RBFOX1: variants seen among roughly 807,000 people sequenced by gnomAD.
The protein encoded by RBFOX1 is RNA binding protein fox-1 homolog 1.
A neutral mutation model predicts 57.7 loss-of-function variants in RBFOX1; 8 were observed. The ratio of observed to expected loss-of-function variants is 0.14; its 90% CI spans 0.08 to 0.25. RBFOX1 has a LOEUF of 0.25. RBFOX1 is among the 10% of genes least tolerant of loss of function. The pLI, the probability that RBFOX1 is intolerant of heterozygous loss-of-function variation, is 1.00. For missense variants in RBFOX1, 611 were observed against 548.5 expected (o/e 1.11, Z -1.14); for synonymous variants, 326 against 222.4 (o/e 1.47, Z -4.15).
intron 3 of RBFOX1, among the ~76,000 whole-genome samples, chr16:6,656,300 G>A (rs1179762708): frequency 6.6e-6 from 1 of 152,114 alleles, no homozygotes. Flanking sequence ...GTTTTGTCCG[G>A]TATCTTTTTT....
intron 3 of RBFOX1, among the ~76,000 whole-genome samples, chr16:5,828,003 C>T (rs1445013140): frequency 6.9e-6 from 1 of 144,922 alleles, no homozygotes; most frequent in Non-Finnish European, 1.5e-5. Context: ...CCAATCCATC[C>T]ATCCATCATC....
At chr16:7,341,917 ACACACC>A (rs1393774505) in intron 4 of RBFOX1, among the ~76,000 whole-genome samples, 1 of 151,796 alleles carries the variant, frequency 6.6e-6, no homozygotes, top group Non-Finnish European at 1.5e-5. Context: ...ATAGAGTTCA[ACACACC>A]CACTGCTGTG....
Position 5,523,441 on chromosome 16 carries a change from C to A in RBFOX1, c.258+56187C>A, listed in dbSNP as rs112633980. Among the ~76,000 whole-genome samples the A allele has an allele frequency of 4.4e-3, 671 of 151,300 alleles. 10 individuals are homozygous for A. The highest frequency in any genetic ancestry group is 0.015 in the African/African-American group (631 of 40,870). On this transcript the variant is annotated intron_variant, in intron 2 of 2. Coordinates refer to the RBFOX1 transcript ENST00000585867. ...ACCAGCCTGAACAAGATGGTGAAAC[C>A]CTGTCTTTACAAAAAATAAAAAAAA...
At chr16:5,753,159 T>TAA (rs879756408) in intron 3 of RBFOX1, among the ~76,000 whole-genome samples, 1 of 144,686 alleles carries the variant, frequency 6.9e-6, no homozygotes, top group African/African-American at 2.5e-5. Flanking sequence ...AACCTTGTCT[T>TAA]AAAAAAAAAA....
chr16:7,520,034 C>T (rs1247293374), intron 5 of RBFOX1, among the ~76,000 whole-genome samples: 4 of 151,986 alleles, frequency 2.6e-5, no homozygotes, highest in Non-Finnish European at 5.9e-5. Context: ...TACAGGCACC[C>T]GCCACCATGT....
intron 2 of RBFOX1, among the ~76,000 whole-genome samples, chr16:5,544,667 A>T (rs747787858): frequency 1.3e-5 from 2 of 152,204 alleles, no homozygotes; most frequent in African/African-American, 2.4e-5. Context: ...ATAAAAAATG[A>T]TATCAAATAC....
intron 3 of RBFOX1, among the ~76,000 whole-genome samples, chr16:6,867,670 G>T (rs2060175809): frequency 6.6e-6 from 1 of 152,110 alleles, no homozygotes; most frequent in Non-Finnish European, 1.5e-5. Context: ...AGTGAGTGCC[G>T]AGATTGCCTG....
At chr16:7,194,758 T>A (rs200002580) in intron 4 of RBFOX1, among the ~76,000 whole-genome samples, 2 of 144,938 alleles carry the variant, frequency 1.4e-5, no homozygotes, top group Non-Finnish European at 3.0e-5. Flanking sequence ...TCAAACCTCA[T>A]CTCTACAAAA....
At chr16:6,628,571 T>C (rs748191561) in intron 2 of RBFOX1, among the ~76,000 whole-genome samples, 1 of 152,236 alleles carries the variant, frequency 6.6e-6, no homozygotes, top group African/African-American at 2.4e-5. Flanking sequence ...TGTTTTTTTA[T>C]GCATTTCAAA....
intron 2 of RBFOX1, among the ~76,000 whole-genome samples, chr16:6,650,422 T>G (rs1222819858): frequency 6.6e-6 from 1 of 152,238 alleles, no homozygotes; most frequent in South Asian, 2.1e-4. Flanking sequence ...AAGCACCTGA[T>G]GAGGGATCAC....
chr16:6,126,863 C>T (rs554914158), intron 1 of RBFOX1, among the ~76,000 whole-genome samples: 1 of 152,170 alleles, frequency 6.6e-6, no homozygotes, highest in African/African-American at 2.4e-5. Context: ...GAGGCTTACA[C>T]TCTCCTGAGA....
At chr16:5,447,163 C>T (rs75817605) in intron 1 of RBFOX1, among the ~76,000 whole-genome samples, 4,379 of 152,236 alleles carry the variant, frequency 0.029, 190 homozygotes, top group East Asian at 0.085. Flanking sequence ...CAGCCACCCC[C>T]TCCCCACCTA....
intron 2 of RBFOX1, among the ~76,000 whole-genome samples, chr16:5,518,640 G>C (rs1286717570): frequency 6.6e-6 from 1 of 152,162 alleles, no homozygotes; most frequent in Non-Finnish European, 1.5e-5. Flanking sequence ...TGGATTAGTG[G>C]TTCATATTAG....
chr16:6,693,214 T>A (rs1308095756), intron 3 of RBFOX1, among the ~76,000 whole-genome samples: 1 of 150,750 alleles, frequency 6.6e-6, no homozygotes, highest in African/African-American at 2.4e-5. Context: ...ACCATCATCA[T>A]CACCGTCATC....
At chr16:5,439,943 C>T (rs1393761539) in intron 1 of RBFOX1, among the ~76,000 whole-genome samples, 1 of 152,188 alleles carries the variant, frequency 6.6e-6, no homozygotes, top group African/African-American at 2.4e-5. Context: ...GTCAAGCTGG[C>T]AGCTTGGAAG....
At chr16:6,706,574 C>A (rs1483312914) in intron 3 of RBFOX1, among the ~76,000 whole-genome samples, 1 of 152,150 alleles carries the variant, frequency 6.6e-6, no homozygotes, top group Non-Finnish European at 1.5e-5. Context: ...TTTCTGGATG[C>A]TGGGATGTGC....
At position 7,452,001 on chromosome 16, in the gene RBFOX1, G is replaced by A. The variant is rs542905496; in HGVS notation, c.28-66146G>A. On this transcript the variant is annotated intron_variant, in intron 4 of 15. Transcript: ENST00000550418. ...CAGAGAGAGACAAAGAGACTAGTAC[G>A]ACCAAAGAGAAAGATTCTTATTCCA... 2.6e-5 allele frequency among the ~76,000 whole-genome samples: 4 copies of A among 152,252 alleles called. No individual in the cohort carries two copies. In the South Asian group the frequency reaches 6.2e-4, roughly 24 times the overall value.
chr16:6,848,593 A>G (rs1397392600), intron 3 of RBFOX1, among the ~76,000 whole-genome samples: 3 of 152,088 alleles, frequency 2.0e-5, no homozygotes, highest in African/African-American at 7.2e-5. Context: ...CAAAGAAAGA[A>G]TGAAAGAGAA....
chr16:6,568,418 T>C (rs552878370), intron 2 of RBFOX1, among the ~76,000 whole-genome samples: 6 of 152,194 alleles, frequency 3.9e-5, no homozygotes, highest in Admixed American at 2.0e-4. Context: ...AATTGAGTTA[T>C]GAGACAGAGA....
Sources: allele counts gnomAD v4.1 joint callset (sites outside exome capture counted in the v4.1 genomes callset), GRCh38; gene constraint gnomAD v4.1.1; transcripts MANE v1.5; gene names NCBI Gene and HGNC (gene_info 2026-07-23, HGNC 2026-07-21).